The following SOX5 variants were observed in gnomAD, a reference collection of about 807,000 sequenced individuals.
SOX5 encodes SRY-box transcription factor 5, also known as transcription factor SOX-5.
Under a neutral mutation model 92.0 loss-of-function variants are expected in SOX5, and 9 were observed. The observed-to-expected ratio is 0.10, with a 90% CI of 0.06 to 0.17. SOX5 has a LOEUF of 0.17. Among genes scored for constraint, SOX5 ranks in the 10% least tolerant of loss-of-function variants. The pLI, the probability that SOX5 is intolerant of heterozygous loss-of-function variation, is 1.00. For missense variants in SOX5, 642 were observed against 944.5 expected, an observed-to-expected ratio of 0.68 and a Z score of 4.20; for synonymous variants, 344 against 336.3, an observed-to-expected ratio of 1.02 and a Z score of -0.25.
intron 6 of SOX5, among the ~76,000 whole-genome samples, chr12:23,699,892 G>T (rs915025598): frequency 6.6e-6 from 1 of 152,066 alleles, no homozygotes; most frequent in Non-Finnish European, 1.5e-5. Context: ...TAAAATAGTT[G>T]ATGCCCTACT....
chr12:24,418,837 TC>T (rs1350075110), intron 1 of SOX5, among the ~76,000 whole-genome samples: 1 of 152,144 alleles, frequency 6.6e-6, no homozygotes, highest in African/African-American at 2.4e-5. Context: ...GTCTTAGAGC[TC>T]CCAGAAGAAG....
At chr12:23,605,828 G>A (rs575262924) in intron 8 of SOX5, among the ~76,000 whole-genome samples, 11 of 151,938 alleles carry the variant, frequency 7.2e-5, no homozygotes, top group East Asian at 3.9e-4. Flanking sequence ...TAAAGTTATC[G>A]ATAAAAATTA....
chr12:23,562,013 G>T (rs1946297650), intron 11 of SOX5, among the ~76,000 whole-genome samples: 1 of 152,092 alleles, frequency 6.6e-6, no homozygotes, highest in Non-Finnish European at 1.5e-5. Context: ...TTCTGTTCAA[G>T]CATCCTTTCA....
chr12:23,632,765 A>C (rs2078715015), intron 8 of SOX5, among the ~76,000 whole-genome samples: 1 of 152,114 alleles, frequency 6.6e-6, no homozygotes, highest in Admixed American at 6.6e-5. Context: ...GATTGATTTC[A>C]GTTGATATTT....
chr12:24,367,573 A>C (rs1196976707), intron 2 of SOX5, among the ~76,000 whole-genome samples: 2 of 152,202 alleles, frequency 1.3e-5, no homozygotes, highest in Non-Finnish European at 2.9e-5. Context: ...AGGTTCATTC[A>C]AAAAATTGCC....
intron 12 of SOX5, 59 bp from the exon 13 acceptor site, chr12:23,543,443 T>G (rs1942501651): frequency 7.6e-7 from 1 of 1,321,726 alleles, no homozygotes; most frequent in African/African-American, 1.5e-5. Flanking sequence ...CTCTTTTCCT[T>G]GCATTCCTAT....
At chr12:23,675,412 T>C (rs1165144591) in intron 6 of SOX5, among the ~76,000 whole-genome samples, 1 of 152,106 alleles carries the variant, frequency 6.6e-6, no homozygotes, top group Non-Finnish European at 1.5e-5. Context: ...CAAGGTCAAC[T>C]AATTTTCAAC....
intron 2 of SOX5, among the ~76,000 whole-genome samples, chr12:23,874,527 A>G (rs183634368): frequency 6.6e-6 from 1 of 152,298 alleles, no homozygotes; most frequent in East Asian, 1.9e-4. Flanking sequence ...ATGAAAACAT[A>G]ATAGGTTCCA....
At chr12:24,039,599 A>C (rs1956337683) in intron 4 of SOX5, among the ~76,000 whole-genome samples, 1 of 152,224 alleles carries the variant, frequency 6.6e-6, no homozygotes, top group South Asian at 2.1e-4. Context: ...AGGTAGTTAA[A>C]GTTCAAATGG....
chr12:23,937,632 C>T (rs1942865579), intron 1 of SOX5, among the ~76,000 whole-genome samples: 1 of 150,828 alleles, frequency 6.6e-6, no homozygotes, highest in Non-Finnish European at 1.5e-5. Flanking sequence ...GGTTCTCATC[C>T]TAAGGGCCAC....
intron 6 of SOX5, among the ~76,000 whole-genome samples, chr12:23,711,135 G>T (rs1047688883): frequency 2.0e-5 from 3 of 152,078 alleles, no homozygotes; most frequent in Non-Finnish European, 1.5e-5. Context: ...TTTTCAAAAA[G>T]AGTCTATTTC....
intron 1 of SOX5, among the ~76,000 whole-genome samples, chr12:24,558,961 GTTT>G (rs1174540155): frequency 1.2e-4 from 18 of 152,304 alleles, no homozygotes; most frequent in Admixed American, 6.5e-5. Context: ...TTTGTGTGGT[GTTT>G]TTTAAGATAA....
At chr12:23,971,089 A>T (rs1948269318) in intron 4 of SOX5, among the ~76,000 whole-genome samples, 1 of 141,050 alleles carries the variant, frequency 7.1e-6, no homozygotes, top group Non-Finnish European at 1.5e-5. Flanking sequence ...ATTTAGTAGT[A>T]GTACAGCCAT....
At chr12:23,835,996 A>C (rs2096408562) in intron 3 of SOX5, among the ~76,000 whole-genome samples, 1 of 151,850 alleles carries the variant, frequency 6.6e-6, no homozygotes, top group South Asian at 2.1e-4. Context: ...TCGAGATTGA[A>C]AGAAGCATTT....
At chr12:24,403,473 G>A (rs187286803) in intron 1 of SOX5, among the ~76,000 whole-genome samples, 23 of 152,258 alleles carry the variant, frequency 1.5e-4, no homozygotes, top group Non-Finnish European at 3.2e-4. Context: ...ATACCAAAAA[G>A]CTAGTTTTGT....
chr12:23,743,130 G>A (rs890283418), intron 4 of SOX5, among the ~76,000 whole-genome samples: 13 of 152,024 alleles, frequency 8.6e-5, no homozygotes, highest in African/African-American at 2.9e-4. Context: ...AATGACATGG[G>A]ATCTAGTTTA....
chr12:23,894,277 G>A (rs1031168620), intron 2 of SOX5, among the ~76,000 whole-genome samples: 1 of 152,082 alleles, frequency 6.6e-6, no homozygotes, highest in Non-Finnish European at 1.5e-5. Context: ...CACCAGGCTC[G>A]AGTGTAGTGG....
intron 3 of SOX5, among the ~76,000 whole-genome samples, chr12:24,239,179 T>C (rs903858491): frequency 1.3e-5 from 2 of 152,232 alleles, no homozygotes; most frequent in East Asian, 3.8e-4. Flanking sequence ...AGTGGATTAC[T>C]GCACTCTACT....
At chr12:23,797,989 C>T (rs776911118) in intron 3 of SOX5, among the ~76,000 whole-genome samples, 1 of 151,874 alleles carries the variant, frequency 6.6e-6, no homozygotes, top group South Asian at 2.1e-4. Context: ...CCCCAAATAT[C>T]TGCATGATTC....
Sources: allele counts gnomAD v4.1 joint callset (sites outside exome capture counted in the v4.1 genomes callset), GRCh38; gene constraint gnomAD v4.1.1; transcripts MANE v1.5; gene names NCBI Gene and HGNC (gene_info 2026-07-23, HGNC 2026-07-21).